DMGDH: variants seen among roughly 807,000 people sequenced by gnomAD.
DMGDH encodes the protein dimethylglycine dehydrogenase, mitochondrial.
DMGDH carries 76 observed loss-of-function variants against 95.2 expected under a neutral mutation model. The ratio of observed to expected loss-of-function variants is 0.80; its 90% confidence interval spans 0.66 to 0.97. DMGDH has a LOEUF of 0.97. Among genes scored for constraint, DMGDH ranks in the 50% least tolerant of loss-of-function variants. The pLI is 0.00. For missense variants in DMGDH, 987 were observed against 1,055.0 expected (o/e 0.94, Z 0.89); for synonymous variants, 345 against 377.6 (o/e 0.91, Z 1.00).
At chr5:79,054,420 T>G in intron 3 of DMGDH, 72 bp from the exon 4 acceptor site, 1 of 1,463,934 alleles carries the variant, frequency 6.8e-7, no homozygotes, top group Non-Finnish European at 9.5e-7. Flanking sequence ...TCTGCTCCAG[T>G]ATAATGAAAA....
intron 7 of DMGDH, among the ~76,000 whole-genome samples, chr5:79,039,583 A>G (rs1054251660): frequency 3.9e-5 from 6 of 152,050 alleles, no homozygotes; most frequent in South Asian, 2.1e-4. Context: ...GGGAGGGATA[A>G]CATTAGGAGA....
chr5:79,018,500 T>TG (rs1191954137), intron 14 of DMGDH, among the ~76,000 whole-genome samples: 4 of 134,814 alleles, frequency 3.0e-5, no homozygotes, highest in South Asian at 2.5e-4. Flanking sequence ...AATTGTTGCC[T>TG]GGGGGGTAGG....
intron 12 of DMGDH, among the ~76,000 whole-genome samples, chr5:79,027,494 G>C (rs1338726933): frequency 6.6e-6 from 1 of 152,158 alleles, no homozygotes; most frequent in Non-Finnish European, 1.5e-5. Flanking sequence ...CAGAATAGGA[G>C]CAACATATAA....
intron 14 of DMGDH, among the ~76,000 whole-genome samples, chr5:79,010,869 G>C (rs11953102): frequency 0.24 from 37,237 of 152,002 alleles, 5,440 homozygotes; most frequent in African/African-American, 0.4. Flanking sequence ...TGATCATCAG[G>C]TACTGTAAGT....
intron 12 of DMGDH, 73 bp from the exon 13 acceptor site, chr5:79,026,654 C>G: frequency 1.3e-6 from 2 of 1,593,866 alleles, no homozygotes; most frequent in African/African-American, 1.3e-5. Context: ...TTAGCTAGAA[C>G]ACATATAAGC....
rs1754107289 is a variant in DMGDH at position 79,029,896 on chromosome 5, G to A, written c.1814+8C>T. On this transcript the variant is annotated splice_region_variant and intron_variant, in intron 11 of 15. Coordinates refer to ENST00000255189, the MANE Select transcript of DMGDH (RefSeq NM_013391.3). ...TGTACAAAATTTTCTTACTAGGTGT[G>A]CACTTACCTAAGATCATGAAGTTCT... The A allele has an allele frequency of 3.1e-6, 5 of 1,613,816 alleles. No homozygotes were observed. The highest frequency in any genetic ancestry group is 4.2e-6 in the Non-Finnish European group (5 of 1,179,832).
At chr5:79,048,689 G>A (rs183707063) in intron 5 of DMGDH, among the ~76,000 whole-genome samples, 1 of 152,134 alleles carries the variant, frequency 6.6e-6, no homozygotes, top group East Asian at 1.9e-4. Context: ...CAATTACTGA[G>A]GCTTACCCTT....
At chr5:79,063,413 A>G (rs922087120) in intron 2 of DMGDH, among the ~76,000 whole-genome samples, 200 bp downstream of exon 2, 1 of 152,226 alleles carries the variant, frequency 6.6e-6, no homozygotes, top group African/African-American at 2.4e-5. Context: ...CGAATCCAGA[A>G]GCCATCTGTT....
At position 79,021,488 on chromosome 5, in the gene DMGDH, C is replaced by T. The variant is rs569516650; in HGVS notation, c.2250+2783G>A. ...GCAGGGGAAGGAGGCTGGAACAACTCCAAGACGGAAGGAAGCAAGGGCCAC... is the reference window on the plus strand; with the variant it reads ...GCAGGGGAAGGAGGCTGGAACAACTTCAAGACGGAAGGAAGCAAGGGCCAC... On this transcript the variant is annotated intron_variant, in intron 14 of 15. Transcript: ENST00000255189. The T allele has an allele frequency of 8.7e-6, 11 of 1,260,742 alleles. No homozygotes were observed. In the East Asian group the frequency reaches 4.0e-4, roughly 46 times the overall value. The allele number at this position is 1,260,742 out of a possible 1,614,324, so 78.1% of individuals were successfully genotyped here.
chr5:79,050,267 A>AT (rs1754810450), intron 5 of DMGDH, among the ~76,000 whole-genome samples: 1 of 46,894 alleles, frequency 2.1e-5, no homozygotes, highest in African/African-American at 9.4e-5. Context: ...AAAAAAAAAA[A>AT]AAAAAAATAT....
chr5:79,000,030 G>A, intron 15 of DMGDH: 3 of 302,450 alleles, frequency 9.9e-6, no homozygotes, highest in Non-Finnish European at 1.3e-5. Context: ...TAACAAATAT[G>A]TTGGAAGAAT....
chr5:79,059,993 T>A (rs1462486495), intron 2 of DMGDH, among the ~76,000 whole-genome samples: 2 of 152,200 alleles, frequency 1.3e-5, no homozygotes, highest in Admixed American at 1.3e-4. Flanking sequence ...TAGCACGCAA[T>A]CTGCACCATG....
chr5:79,040,583 T>C (rs538011501), intron 7 of DMGDH, among the ~76,000 whole-genome samples: 7 of 152,166 alleles, frequency 4.6e-5, no homozygotes, highest in Non-Finnish European at 1.0e-4. Context: ...CAAAAGTACA[T>C]GTGAACCAAG....
At chr5:79,023,887 C>G (rs6877698) in intron 14 of DMGDH, among the ~76,000 whole-genome samples, 60,176 of 152,124 alleles carry the variant, frequency 0.4, 13,736 homozygotes, top group African/African-American at 0.64. Context: ...AATGAATGCA[C>G]TATGTTTGAT....
intron 2 of DMGDH, among the ~76,000 whole-genome samples, chr5:79,060,454 G>A (rs376119312): frequency 9.2e-5 from 14 of 152,314 alleles, no homozygotes; most frequent in African/African-American, 3.1e-4. Context: ...CACTTTGCAA[G>A]CTGTGCTTTC....
At chr5:79,035,785 A>T (rs1754332264) in intron 7 of DMGDH, among the ~76,000 whole-genome samples, 1 of 152,324 alleles carries the variant, frequency 6.6e-6, no homozygotes, top group African/African-American at 2.4e-5. Context: ...TCTAAAAAGT[A>T]AATATTTTAC....
At chr5:79,048,691 C>CT (rs1451541573) in intron 5 of DMGDH, among the ~76,000 whole-genome samples, 1 of 152,108 alleles carries the variant, frequency 6.6e-6, no homozygotes, top group Non-Finnish European at 1.5e-5. Flanking sequence ...ATTACTGAGG[C>CT]TTACCCTTTG....
At chr5:79,048,571 A>G (rs1433964081) in intron 5 of DMGDH, among the ~76,000 whole-genome samples, 2 of 152,054 alleles carry the variant, frequency 1.3e-5, no homozygotes, top group Non-Finnish European at 1.5e-5. Flanking sequence ...CACACTCTCC[A>G]CTCATTTTAT....
chr5:79,044,626 A>G (rs752815992), intron 5 of DMGDH, 74 bp from the exon 6 acceptor site: 26 of 1,535,844 alleles, frequency 1.7e-5, no homozygotes, highest in Admixed American at 3.5e-5. Flanking sequence ...AGCAATTTAT[A>G]TTAGAATAAA....
Sources: gnomAD v4.1 joint callset for allele counts (sites outside exome capture counted in the v4.1 genomes callset) on GRCh38, gnomAD v4.1.1 for gene constraint, MANE v1.5 for transcripts, NCBI Gene and HGNC (gene_info 2026-07-23, HGNC 2026-07-21) for gene names.